The following ANKRD30A variants were observed in gnomAD, a reference collection of about 807,000 sequenced individuals.
The protein encoded by ANKRD30A is ankyrin repeat domain 30A, also known as ankyrin repeat domain-containing protein 30A.
In ANKRD30A, 170 loss-of-function variants were observed where a neutral mutation model predicts 166.3. That is an observed-to-expected ratio of 1.02 (90% CI 0.90 to 1.16). The LOEUF (loss-of-function observed/expected upper bound fraction) is 1.16, where lower values mean the gene tolerates loss of function less well. Ranked by LOEUF, ANKRD30A falls within the 50% of genes most tolerant of loss-of-function variation. The pLI, the probability that ANKRD30A is intolerant of heterozygous loss-of-function variation, is 0.00. For synonymous variants in ANKRD30A, 564 were observed against 508.9 expected (o/e 1.11, Z -1.46); for missense variants, 1,630 against 1,518.0 (o/e 1.07, Z -1.23).
chr10:37,234,915 A>G (rs1285023065), downstream of ANKRD30A, among the ~76,000 whole-genome samples: 2 of 152,172 alleles, frequency 1.3e-5, no homozygotes, highest in African/African-American at 4.8e-5. Flanking sequence ...ACATGGTGGA[A>G]CATTGTGTCA....
At chr10:37,158,991 A>G (rs1288256161) in intron 15 of ANKRD30A, among the ~76,000 whole-genome samples, 1 of 152,302 alleles carries the variant, frequency 6.6e-6, no homozygotes, top group East Asian at 1.9e-4. Context: ...CACTCAGAGA[A>G]TATTAAGAAA....
the ANKRD30A span, among the ~76,000 whole-genome samples, chr10:37,239,689 A>G: frequency 6.6e-6 from 1 of 152,148 alleles, no homozygotes; most frequent in Non-Finnish European, 1.5e-5. Flanking sequence ...AAAAACTCAT[A>G]GACCAATATT....
chr10:37,135,051 T>C (rs1417906674), intron 5 of ANKRD30A, among the ~76,000 whole-genome samples: 1 of 152,234 alleles, frequency 6.6e-6, no homozygotes, highest in East Asian at 1.9e-4. Context: ...TGATTCTTTT[T>C]TCCTAAAAGT....
intron 1 of ANKRD30A, among the ~76,000 whole-genome samples, chr10:37,127,335 G>A (rs1392155589): frequency 6.6e-6 from 1 of 151,840 alleles, no homozygotes; most frequent in Non-Finnish European, 1.5e-5. Flanking sequence ...TAAAAATACC[G>A]GAAGAAAATA....
chr10:37,141,355 T>C (rs1480066807), intron 6 of ANKRD30A, among the ~76,000 whole-genome samples: 2 of 152,048 alleles, frequency 1.3e-5, no homozygotes, highest in Admixed American at 1.3e-4. Flanking sequence ...ATGTATTGCT[T>C]GAGCTCAGGA....
chr10:37,224,927 A>G (rs557687600), intron 34 of ANKRD30A, among the ~76,000 whole-genome samples: 193 of 151,676 alleles, frequency 1.3e-3, no homozygotes, highest in African/African-American at 4.4e-3. Context: ...TCTTCTACAG[A>G]CTGTGGTCAA....
chr10:37,183,804 C>T (rs1334749513), intron 24 of ANKRD30A, among the ~76,000 whole-genome samples: 1 of 148,102 alleles, frequency 6.8e-6, no homozygotes, highest in Non-Finnish European at 1.5e-5. Context: ...ATATAATTGT[C>T]AACCACATTA....
Position 37,197,309 on chromosome 10 carries a change from G to C in ANKRD30A, c.2643G>C (p.Glu881Asp). 1 of 1,613,028 alleles carries C rather than the reference G, an allele frequency of 6.2e-7. No individual in the cohort carries two copies. The highest frequency in any genetic ancestry group is 8.5e-7 in the Non-Finnish European group (1 of 1,179,674). The part of the protein sequence containing the change: ...AEPPEKPSAF[E>D]PAIEMQKSVP... The stretch of plus-strand genomic sequence containing the variant: ...CTCCCGAGAAGCCATCTGCCTTCGA[G>C]GTATTTAGTTTTATGATTTCATTTT... Residue 881 changes from glutamate to aspartate, a missense_variant and splice_region_variant, in exon 28 of 36, where the codon GAG becomes GAC. Around this residue, in one of 4 missense-constraint regions of ANKRD30A, gnomAD observed 712 missense variants for 629.3 expected, o/e 1.13. Coordinates refer to ENST00000361713, the MANE Select transcript of ANKRD30A (RefSeq NM_052997.3).
At chr10:37,254,151 A>G in the ANKRD30A span, among the ~76,000 whole-genome samples, 1 of 152,226 alleles carries the variant, frequency 6.6e-6, no homozygotes, top group Non-Finnish European at 1.5e-5. Context: ...ATTATTAATA[A>G]TTATGGTAAT....
the ANKRD30A span, among the ~76,000 whole-genome samples, chr10:37,264,260 A>G: frequency 6.6e-6 from 1 of 152,166 alleles, no homozygotes. Flanking sequence ...TGCTGTCACT[A>G]TGGGATAAAT....
chr10:37,202,237 G>A (rs1198495281), intron 31 of ANKRD30A, among the ~76,000 whole-genome samples: 1 of 152,150 alleles, frequency 6.6e-6, no homozygotes, highest in Non-Finnish European at 1.5e-5. Flanking sequence ...GTAGATGGAA[G>A]TAAAGCAGTC....
intron 29 of ANKRD30A, among the ~76,000 whole-genome samples, chr10:37,199,254 A>G (rs1456138715): frequency 6.6e-6 from 1 of 152,140 alleles, no homozygotes; most frequent in Non-Finnish European, 1.5e-5. Context: ...GTTGACTGAC[A>G]TCAAAAAGTT....
At chr10:37,225,989 G>A (rs922390411) in intron 34 of ANKRD30A, among the ~76,000 whole-genome samples, 63 of 151,564 alleles carry the variant, frequency 4.2e-4, no homozygotes, top group African/African-American at 1.5e-3. Flanking sequence ...GGGAACCACC[G>A]ATCTACTGTG....
intron 29 of ANKRD30A, 107 bp from the exon 30 acceptor site, chr10:37,199,620 C>A (rs1375573006): frequency 4.7e-6 from 3 of 637,344 alleles, no homozygotes; most frequent in Non-Finnish European, 8.1e-6. Context: ...ATACGGGCTA[C>A]AGAGGAGGAA....
chr10:37,257,335 C>CAA, the ANKRD30A span, among the ~76,000 whole-genome samples: 351 of 143,570 alleles, frequency 2.4e-3, 2 homozygotes, highest in Middle Eastern at 0.01. Context: ...TTAATCTTTT[C>CAA]AAAAAAAAAA....
At chr10:37,219,959 T>A in intron 34 of ANKRD30A, 62 bp downstream of exon 34, 1 of 1,257,446 alleles carries the variant, frequency 8.0e-7, no homozygotes, top group African/African-American at 1.6e-5. Flanking sequence ...AAGTCATATT[T>A]GGCCTTGGCT....
Position 37,193,103 on chromosome 10 carries a change from T to C in ANKRD30A, c.2541+11T>C, listed in dbSNP as rs1465678978. 2 of 1,604,688 alleles carry C rather than the reference T, an allele frequency of 1.2e-6. No homozygotes were observed. Among genetic ancestry groups the C allele is most frequent in the Non-Finnish European group, 1.7e-6 (2 of 1,172,348 alleles). On this transcript the variant is annotated intron_variant, in intron 26 of 35. Coordinates refer to ENST00000361713, the MANE Select transcript of ANKRD30A (RefSeq NM_052997.3). ...GATGGTTTTCTGAAGGTAATAACTT[T>C]TATATTTTTATCTTGAGTATTAACT...
At chr10:37,151,594 A>T (rs1171776650) in intron 11 of ANKRD30A, among the ~76,000 whole-genome samples, 1 of 152,146 alleles carries the variant, frequency 6.6e-6, no homozygotes, top group Non-Finnish European at 1.5e-5. Context: ...TAACATCAAA[A>T]AGTTAATACT....
chr10:37,162,766 C>A lies in ANKRD30A; in HGVS notation c.1930-10C>A. 5 of 1,613,716 alleles carry A rather than the reference C, an allele frequency of 3.1e-6. No homozygotes were observed. In the South Asian group the frequency reaches 3.3e-5, roughly 11 times the overall value. Reference sequence around the variant, plus strand: ...TCTTTATTAATCATTTTGCTTCCAACCCCATTTAGCCTGCCACTGAAATGC... The same window carrying A: ...TCTTTATTAATCATTTTGCTTCCAAACCCATTTAGCCTGCCACTGAAATGC... On this transcript the variant is annotated splice_polypyrimidine_tract_variant and intron_variant, in intron 16 of 35. Coordinates refer to ENST00000361713, the MANE Select transcript of ANKRD30A (RefSeq NM_052997.3).
Sources: gnomAD v4.1 joint callset for allele counts (sites outside exome capture counted in the v4.1 genomes callset) on GRCh38, gnomAD v4.1.1 for gene constraint, gnomAD v4.1.1 regional missense constraint, MANE v1.5 for transcripts, NCBI Gene and HGNC (gene_info 2026-07-23, HGNC 2026-07-21) for gene names.